The following CMPK2 variants were observed in gnomAD, a reference collection of about 807,000 sequenced individuals.
CMPK2 encodes the protein UMP-CMP kinase 2, mitochondrial.
A neutral mutation model predicts 33.4 loss-of-function variants in CMPK2; 32 were observed. That is an observed-to-expected ratio of 0.96 (90% CI 0.72 to 1.29). CMPK2 has a LOEUF of 1.29. Ranked by LOEUF, CMPK2 falls within the 50% of genes most tolerant of loss-of-function variation. The pLI is 0.00. For synonymous variants in CMPK2, 299 were observed against 275.3 expected, an observed-to-expected ratio of 1.09 and a Z score of -0.85; for missense variants, 672 against 616.0, an observed-to-expected ratio of 1.09 and a Z score of -0.96.
At chr2:6,862,685 G>A (rs1379928265) in intron 2 of CMPK2, among the ~76,000 whole-genome samples, 8 of 152,194 alleles carry the variant, frequency 5.3e-5, no homozygotes, top group Admixed American at 4.6e-4. Context: ...GACATGGCCC[G>A]CTCCTTCACA....
chr2:6,854,577 T>C (rs991401641), intron 3 of CMPK2, among the ~76,000 whole-genome samples: 19 of 152,186 alleles, frequency 1.2e-4, no homozygotes, highest in African/African-American at 4.1e-4. Context: ...CTGTTTCCTA[T>C]AGAGTTCTCC....
In CMPK2 at chr2:6,865,668, C is replaced by G. The variant is rs1180777876; in HGVS notation, c.29G>C (p.Gly10Ala). The change falls in exon 1 of 5, where the codon GGG becomes GCG. Residue 10 changes from glycine (G) to alanine (A), a missense_variant. Coordinates refer to ENST00000256722, the MANE Select transcript of CMPK2 (RefSeq NM_207315.4). ...CCCGAGCAGCGGCCCCGACAGTGGC[C>G]CGCGCAGGAGCCGGCGGGCGAAGGC... Reference protein sequence around the residue: MAFARRLLRGPLSGPLLGRR... With the variant: MAFARRLLRAPLSGPLLGRR... 3.1e-6 allele frequency: 4 copies of G among 1,310,338 alleles called. No homozygotes were observed. Among genetic ancestry groups the G allele is most frequent in the Non-Finnish European group, 3.9e-6 (4 of 1,037,748 alleles). 81.2% of individuals were successfully genotyped at this position (1,310,338 alleles called of 1,614,324 possible). A position where few individuals can be genotyped will look rare whatever the true frequency, so the allele number is the denominator to read the frequency against.
chr2:6,857,307 G>GT (rs907226942), intron 3 of CMPK2, among the ~76,000 whole-genome samples: 1 of 146,670 alleles, frequency 6.8e-6, no homozygotes, highest in East Asian at 2.0e-4. Flanking sequence ...CTTCTTTTTT[G>GT]TTTTTTGTTT....
downstream of CMPK2, among the ~76,000 whole-genome samples, chr2:6,843,578 G>T (rs748931316): frequency 4.6e-5 from 7 of 152,072 alleles, no homozygotes; most frequent in Non-Finnish European, 1.0e-4. Flanking sequence ...CCTGTGACTT[G>T]CCCACACCTC....
chr2:6,863,603 G>A (rs1204351113), intron 1 of CMPK2, 25 bp from the exon 2 acceptor site: 4 of 1,569,324 alleles, frequency 2.5e-6, no homozygotes, highest in Middle Eastern at 1.7e-4. Context: ...CTATCCATCA[G>A]CAATGAAGCC....
At chr2:6,866,078 G>T (rs142966723), upstream of CMPK2, 1 of 268,122 alleles carries the variant, frequency 3.7e-6, no homozygotes, top group Non-Finnish European at 7.1e-6. Context: ...GGTGGCTGGC[G>T]GCCCCGACCC....
intron 3 of CMPK2, among the ~76,000 whole-genome samples, chr2:6,859,850 A>T (rs565814737): frequency 5.3e-5 from 8 of 152,112 alleles, no homozygotes; most frequent in Non-Finnish European, 1.0e-4. Flanking sequence ...TGTCCACTAG[A>T]CCCCAGAATG....
At chr2:6,850,092 A>C in intron 4 of CMPK2, 119 bp from the exon 5 acceptor site, 5 of 700,778 alleles carry the variant, frequency 7.1e-6, no homozygotes, top group Non-Finnish European at 1.2e-5. Flanking sequence ...CATTTATCTC[A>C]CTGTAACTAG....
chr2:6,853,759 G>A (rs181673279), intron 3 of CMPK2, among the ~76,000 whole-genome samples: 117 of 152,124 alleles, frequency 7.7e-4, no homozygotes, highest in East Asian at 7.7e-4. Flanking sequence ...AAAATTAGCC[G>A]GGCGTGGTGG....
At chr2:6,853,244 C>A (rs1308381145) in intron 3 of CMPK2, among the ~76,000 whole-genome samples, 3 of 152,054 alleles carry the variant, frequency 2.0e-5, no homozygotes, top group Non-Finnish European at 4.4e-5. Context: ...GGTACCATGC[C>A]CGGCCCAATT....
At chr2:6,857,172 G>A (rs184334606) in intron 3 of CMPK2, among the ~76,000 whole-genome samples, 1 of 152,250 alleles carries the variant, frequency 6.6e-6, no homozygotes, top group East Asian at 1.9e-4. Flanking sequence ...ATCCAGATGG[G>A]AGTAAAATGG....
intron 4 of CMPK2, chr2:6,850,697 T>C (rs764747792): frequency 2.7e-5 from 25 of 943,280 alleles, no homozygotes; most frequent in Middle Eastern, 5.4e-4. Context: ...TACAAGTAAA[T>C]TGCTTAACAT....
At chr2:6,845,862 A>C (rs905161776), downstream of CMPK2, among the ~76,000 whole-genome samples, 6 of 152,228 alleles carry the variant, frequency 3.9e-5, no homozygotes, top group Non-Finnish European at 7.3e-5. Context: ...GCCTCAAATG[A>C]GCATAAGAAT....
chr2:6,840,676 G>A (rs1195017676), exon 4 of CMPK2: 4 of 701,982 alleles, frequency 5.7e-6, no homozygotes, highest in Non-Finnish European at 1.0e-5. Context: ...TCCCAGCTGG[G>A]ACCTAGAGAG....
chr2:6,863,599 A>G (rs367633170), intron 1 of CMPK2, 21 bp from the exon 2 acceptor site: 133 of 1,583,166 alleles, frequency 8.4e-5, no homozygotes, highest in Non-Finnish European at 8.2e-5. Flanking sequence ...ACGTCTATCC[A>G]TCAGCAATGA....
downstream of CMPK2, among the ~76,000 whole-genome samples, chr2:6,845,588 A>G (rs1032694531): frequency 7.9e-5 from 12 of 152,190 alleles, no homozygotes; most frequent in Admixed American, 2.0e-4. Context: ...CACCTGCATA[A>G]GGCTCTAGCT....
Position 6,851,446 on chromosome 2 carries a change from C to A in CMPK2, c.1226+4G>T, listed in dbSNP as rs1422334307. ...CTCACATTGCATTGCACTGGGACAC[C>A]TACTTTTGACGAAACACACTGTTGG... On this transcript the variant is annotated splice_donor_region_variant and intron_variant, in intron 4 of 4. Transcript: ENST00000256722. 5.0e-6 allele frequency: 8 copies of A among 1,614,198 alleles called. No homozygotes were observed. The highest frequency in any genetic ancestry group is 1.3e-5 in the African/African-American group (1 of 75,060).
At chr2:6,854,521 C>T (rs1162350507) in intron 3 of CMPK2, among the ~76,000 whole-genome samples, 1 of 152,148 alleles carries the variant, frequency 6.6e-6, no homozygotes, top group Non-Finnish European at 1.5e-5. Context: ...AAATTGCAGG[C>T]AATTCACACA....
Position 6,865,743 on chromosome 2 carries a change from C to T in CMPK2, c.-47G>A. 1 of 1,276,752 alleles carries T rather than the reference C, an allele frequency of 7.8e-7. No individual in the cohort carries two copies. Among genetic ancestry groups the T allele is most frequent in the Non-Finnish European group, 9.9e-7 (1 of 1,012,552 alleles). 79.1% of individuals were successfully genotyped at this position (1,276,752 alleles called of 1,614,324 possible). ...CTCGGCCCCGCCTCGGAAACGAAAC[C>T]TGGCGGGAGCCAGGCGCCGGCGGGA... On this transcript the variant is annotated 5_prime_UTR_variant, in exon 1 of 5. Coordinates refer to ENST00000256722, the MANE Select transcript of CMPK2 (RefSeq NM_207315.4).
Sources: allele counts gnomAD v4.1 joint callset (sites outside exome capture counted in the v4.1 genomes callset), GRCh38; gene constraint gnomAD v4.1.1; transcripts MANE v1.5; gene names NCBI Gene and HGNC (gene_info 2026-07-23, HGNC 2026-07-21).